CCDC61: variants seen among roughly 807,000 people sequenced by gnomAD.
CCDC61 encodes the protein centrosomal protein CCDC61.
A neutral mutation model predicts 63.0 loss-of-function variants in CCDC61; 55 were observed. That is an observed-to-expected ratio of 0.87 (90% CI 0.70 to 1.09). The LOEUF (loss-of-function observed/expected upper bound fraction) is 1.09, where lower values mean the gene tolerates loss of function less well. CCDC61 is among the 50% of genes least tolerant of loss of function. The probability of loss-of-function intolerance (pLI) is 0.00; values close to 1 mark genes in which losing one functional copy is unlikely to be tolerated. For missense variants in CCDC61, 651 were observed against 731.4 expected (o/e 0.89, Z 1.27); for synonymous variants, 270 against 317.0 (o/e 0.85, Z 1.58).
At chr19:46,002,913 G>T in intron 1 of CCDC61, 95 bp from the exon 2 acceptor site, 1 of 1,257,576 alleles carries the variant, frequency 8.0e-7, no homozygotes, top group Non-Finnish European at 1.1e-6. Context: ...TGCCACAGCT[G>T]GTAAATGATG....
intron 1 of CCDC61, 37 bp downstream of exon 1, chr19:45,995,541 G>C (rs1174351452): frequency 6.0e-6 from 3 of 497,772 alleles, no homozygotes; most frequent in Non-Finnish European, 1.2e-5. Context: ...CGCGGGCCGT[G>C]GTGGAGGTCT....
Position 46,006,619 on chromosome 19 carries a change from C to A in CCDC61, c.292C>A (p.Arg98Ser), listed in dbSNP as rs754811809. The A allele has an allele frequency of 1.2e-6, 2 of 1,613,798 alleles. No individual in the cohort carries two copies. The highest frequency in any genetic ancestry group is 1.7e-6 in the Non-Finnish European group (2 of 1,179,792). ...CACAGACCTGGAGTCCCTGCGGAAC[C>A]GCAAGATGGGGGGCCGCCCAGGCTC... ...TYTDLESLRN[R>S]KMGGRPGSLA... The change falls in exon 4 of 14, where the codon CGC (arginine) becomes AGC (serine). Residue 98 changes from arginine (R) to serine (S), a missense_variant. Transcript: ENST00000595358.
In CCDC61 at chr19:46,003,485, A is replaced by T; in HGVS notation, c.215A>T (p.Glu72Val). The change falls in exon 3 of 14, where the codon GAG becomes GTG. Residue 72 changes from glutamate (E) to valine (V), a missense_variant. Glu to Val is a moderately radical substitution (Grantham distance 121, BLOSUM62 -2). Transcript: ENST00000595358. ...TTCAACATCTTCTGTCATATGCTGG[A>T]GTCAGCCCTCACTCAGGTAGGGCCC... is the stretch of plus-strand genomic sequence containing the variant. ...KQFNIFCHMLESALTQSSESV... is the reference protein window; with the variant it reads ...KQFNIFCHMLVSALTQSSESV... The T allele has an allele frequency of 6.7e-7, 1 of 1,488,038 alleles. No individual in the cohort carries two copies. The highest frequency in any genetic ancestry group is 9.1e-7 in the Non-Finnish European group (1 of 1,099,278). The allele number at this position is 1,488,038 out of a possible 1,614,324, so 92.2% of individuals were successfully genotyped here.
chr19:46,002,189 C>T (rs1968603051), intron 1 of CCDC61, among the ~76,000 whole-genome samples: 1 of 152,012 alleles, frequency 6.6e-6, no homozygotes, highest in African/African-American at 2.4e-5. Flanking sequence ...TCATGATCCA[C>T]CTGCCTCGCC....
chr19:46,003,132 G>C lies in CCDC61; in HGVS notation c.114G>C (p.Thr38=), dbSNP rs115054643. The change falls in exon 2 of 14, where the codon ACG becomes ACC. Residue 38 remains threonine (T), a synonymous_variant. Coordinates refer to ENST00000595358, the MANE Select transcript of CCDC61 (RefSeq NM_001267723.2). ...AGCTGGAGGTGGAGGACCGGATGAC[G>C]GCTGACCAGTGGCGGGGCGAGTTCG... ...VLELEVEDRM[T]ADQWRGEFDA... The C allele has an allele frequency of 1.9e-6, 3 of 1,613,340 alleles. No individual in the cohort carries two copies. The Admixed American group carries it at 5.0e-5, about 27-fold the overall frequency.
At chr19:46,004,574 C>T (rs976580580) in intron 3 of CCDC61, among the ~76,000 whole-genome samples, 4 of 152,190 alleles carry the variant, frequency 2.6e-5, no homozygotes, top group Non-Finnish European at 5.9e-5. Flanking sequence ...AAGCAATTCT[C>T]CTGCCTCAGC....
In CCDC61 at chr19:46,014,314, A is replaced by T. The variant is rs900455783; in HGVS notation, c.552-735A>T. Among the ~76,000 whole-genome samples, 4 of 152,052 alleles carry T rather than the reference A, an allele frequency of 2.6e-5. 1 individual carries two copies. The South Asian group carries it at 8.3e-4, about 32-fold the overall frequency. On this transcript the variant is annotated intron_variant, in intron 5 of 13. Transcript: ENST00000595358. The stretch of plus-strand genomic sequence containing the variant: ...TTTTTTCCCCCATAGATTTTGGTTT[A>T]TTCTGTAATTTTGAAAATATAAACA...
At chr19:46,002,970 T>C (rs1412973273) in intron 1 of CCDC61, 38 bp from the exon 2 acceptor site, 1 of 1,550,192 alleles carries the variant, frequency 6.5e-7, no homozygotes, top group South Asian at 1.2e-5. Flanking sequence ...GCCTGGGCTC[T>C]GAGCTCCTCT....
intron 3 of CCDC61, among the ~76,000 whole-genome samples, chr19:46,004,261 T>G (rs1435093136): frequency 6.6e-6 from 1 of 152,088 alleles, no homozygotes; most frequent in Admixed American, 6.6e-5. Flanking sequence ...TTTAAAGGAT[T>G]CAGCAATATC....
At chr19:46,017,997 C>A in intron 12 of CCDC61, 81 bp from the exon 13 acceptor site, 1 of 1,295,166 alleles carries the variant, frequency 7.7e-7, no homozygotes, top group Non-Finnish European at 1.1e-6. Flanking sequence ...GGTCCTTAGG[C>A]TCAGGATTTC....
intron 1 of CCDC61, among the ~76,000 whole-genome samples, chr19:45,997,982 C>T (rs759240815): frequency 2.3e-4 from 35 of 152,234 alleles, no homozygotes; most frequent in East Asian, 9.6e-4. Context: ...TCACTGTGCC[C>T]GGTCCTCACA....
intron 1 of CCDC61, chr19:46,000,111 A>G (rs1968563049): frequency 1.0e-6 from 1 of 967,084 alleles, no homozygotes; most frequent in Non-Finnish European, 1.2e-6. Context: ...GGTCCGGGGA[A>G]TCCTAGAAGT....
intron 1 of CCDC61, among the ~76,000 whole-genome samples, chr19:46,000,622 G>A (rs1043272751): frequency 6.6e-6 from 1 of 151,994 alleles, no homozygotes; most frequent in South Asian, 2.1e-4. Context: ...GGGCAGCTGG[G>A]GTCAGGGAGG....
In CCDC61 at chr19:46,016,236, G is replaced by C. The variant is rs1273514592; in HGVS notation, c.1015+13G>C. 1.3e-6 allele frequency: 2 copies of C among 1,575,688 alleles called. No homozygotes were observed. The highest frequency in any genetic ancestry group is 2.7e-5 in the African/African-American group (2 of 74,086). On this transcript the variant is annotated intron_variant, in intron 8 of 13. Transcript: ENST00000595358. This position sits in a 1 kb window ranked among gnomAD's most constrained non-coding sequence, Gnocchi z 7.2. ...CCCTCGCCCACAGGTCTGTGCCCCT[G>C]CCCTGCGGTAGGGAGGGGACGCACT...
At chr19:46,013,691 A>G (rs1600652420) in intron 5 of CCDC61, among the ~76,000 whole-genome samples, 1 of 151,324 alleles carries the variant, frequency 6.6e-6, no homozygotes, top group African/African-American at 2.4e-5. Flanking sequence ...ACATGGTGAA[A>G]CCCCGTCTCT....
At position 46,017,319 on chromosome 19, in the gene CCDC61, C is replaced by T; in HGVS notation, c.1368+15C>T. 1 of 1,552,976 alleles carries T rather than the reference C, an allele frequency of 6.4e-7. No individual in the cohort carries two copies. Among genetic ancestry groups the T allele is most frequent in the Non-Finnish European group, 8.7e-7 (1 of 1,147,900 alleles). ...GGTCCAATATGGTGAGTAGAAGGGG[C>T]AACATAAACCACTGGAACACAGCTG... On this transcript the variant is annotated intron_variant, in intron 12 of 13. Coordinates refer to ENST00000595358, the MANE Select transcript of CCDC61 (RefSeq NM_001267723.2).
At chr19:46,004,949 A>G (rs930405734) in intron 3 of CCDC61, among the ~76,000 whole-genome samples, 12 of 125,102 alleles carry the variant, frequency 9.6e-5, no homozygotes, top group Admixed American at 9.0e-4. Context: ...AGTGATTCTC[A>G]TGCCTCAGCC....
rs200903939 is a variant in CCDC61 at position 46,002,445 on chromosome 19, T to TC, written c.-11-563_-11-562insC. ...CCATCATGTATTTCTTTTCTTTCTTTTTTTTTTTTAACTGAGTCAGGGTCT... is the reference window on the plus strand; with the variant it reads ...CCATCATGTATTTCTTTTCTTTCTTTCTTTTTTTTTAACTGAGTCAGGGTCT... On this transcript the variant is annotated intron_variant, in intron 1 of 13. Coordinates refer to ENST00000595358, the MANE Select transcript of CCDC61 (RefSeq NM_001267723.2). Among the ~76,000 whole-genome samples, 534 of 151,262 alleles carry TC rather than the reference T, an allele frequency of 3.5e-3. 5 individuals carry two copies. The highest frequency in any genetic ancestry group is 0.012 in the African/African-American group (513 of 41,230).
chr19:46,018,049 A>ACC lies in CCDC61; in HGVS notation c.1369-25_1369-24dup, dbSNP rs548987575. ...GACAGAAATAGAGGGACGGTGGGTG[A>ACC]CCCCCTTTCCTACCTTCCCCATCAC... is the stretch of plus-strand genomic sequence containing the variant. On this transcript the variant is annotated intron_variant, in intron 12 of 13. Transcript: ENST00000595358. This position sits in a 1 kb window ranked among gnomAD's most constrained non-coding sequence, Gnocchi z 4.2. 135 of 1,578,288 alleles carry ACC rather than the reference A, an allele frequency of 8.6e-5. No individual in the cohort carries two copies. In the South Asian group the frequency reaches 1.4e-3, roughly 17 times the overall value.
Sources: allele counts gnomAD v4.1 joint callset (sites outside exome capture counted in the v4.1 genomes callset), GRCh38; gene constraint gnomAD v4.1.1; non-coding constraint Gnocchi (gnomAD v3.1); transcripts MANE v1.5; gene names NCBI Gene and HGNC (gene_info 2026-07-23, HGNC 2026-07-21).